The following CFAP47 variants were observed in gnomAD, a reference collection of about 807,000 sequenced individuals.
The protein encoded by CFAP47 is cilia- and flagella-associated protein 47.
CFAP47 carries 29 observed loss-of-function variants against 148.1 expected under a neutral mutation model. The ratio of observed to expected loss-of-function variants is 0.20; its 90% CI spans 0.15 to 0.27. The LOEUF (loss-of-function observed/expected upper bound fraction) is 0.27, where lower values mean the gene tolerates loss of function less well. CFAP47 is among the 10% of genes least tolerant of loss of function. The pLI is 1.00. For synonymous variants in CFAP47, 664 were observed against 577.3 expected (o/e 1.15, Z -2.15); for missense variants, 1,872 against 1,697.5 (o/e 1.10, Z -1.81).
chrX:36,054,990 T>C lies in CFAP47; in HGVS notation c.4217+7927T>C, dbSNP rs1403652212. Among the ~76,000 whole-genome samples, 29 of 109,875 alleles carry C rather than the reference T, an allele frequency of 2.6e-4. No individual in the cohort carries two copies. The Admixed American group carries it at 2.8e-3, about 11-fold the overall frequency. ...GGTTTCACCGTGTTAGCCAGGATGG[T>C]CTCGATCTCCTGACCTCATGATCCA... On this transcript the variant is annotated intron_variant, in intron 26 of 63. Transcript: ENST00000378653.
At chrX:35,940,338 G>A (rs1026853721) in intron 2 of CFAP47, among the ~76,000 whole-genome samples, 2 of 110,941 alleles carry the variant, frequency 1.8e-5, no homozygotes, top group African/African-American at 6.6e-5. Context: ...TGTTGCCATT[G>A]CTTTTGGTGT....
chrX:36,153,257 A>G (rs1434583511), intron 37 of CFAP47, among the ~76,000 whole-genome samples: 2 of 112,075 alleles, frequency 1.8e-5, no homozygotes, highest in South Asian at 3.7e-4. Flanking sequence ...GAAGAAAGTG[A>G]TAACAGGTCC....
At chrX:36,003,221 GTATAT>G (rs759392998) in intron 21 of CFAP47, among the ~76,000 whole-genome samples, 1 of 108,854 alleles carries the variant, frequency 9.2e-6, no homozygotes, top group Admixed American at 9.9e-5. Flanking sequence ...TATTAATATA[GTATAT>G]TATATTGATT....
intron 2 of CFAP47, among the ~76,000 whole-genome samples, chrX:35,937,550 G>C (rs1354153696): frequency 2.7e-5 from 3 of 110,279 alleles, no homozygotes; most frequent in Non-Finnish European, 5.7e-5. Context: ...TTAGTAGAAG[G>C]AACAGGAAAA....
intron 21 of CFAP47, among the ~76,000 whole-genome samples, chrX:36,005,838 T>A: frequency 9.0e-6 from 1 of 111,369 alleles, no homozygotes; most frequent in East Asian, 2.8e-4. Context: ...AGTATTCTGA[T>A]AAATTAAGGT....
At chrX:36,362,427 C>G (rs921974800) in intron 61 of CFAP47, among the ~76,000 whole-genome samples, 1 of 112,385 alleles carries the variant, frequency 8.9e-6, no homozygotes, top group Non-Finnish European at 1.9e-5. Flanking sequence ...TTTGGTTTCC[C>G]ATTCCTGCAT....
intron 39 of CFAP47, among the ~76,000 whole-genome samples, chrX:36,168,967 C>T (rs1211838967): frequency 1.8e-5 from 2 of 111,511 alleles, no homozygotes; most frequent in Non-Finnish European, 3.8e-5. Flanking sequence ...ATCTTTTCTC[C>T]TTCATTTTTG....
At chrX:36,380,235 G>A (rs935838020) in intron 63 of CFAP47, among the ~76,000 whole-genome samples, 9 of 112,361 alleles carry the variant, frequency 8.0e-5, no homozygotes, top group African/African-American at 2.9e-4. Flanking sequence ...GTACAAAAGC[G>A]ATTTCTAGAT....
chrX:35,994,145 C>T (rs1389513657), intron 18 of CFAP47, among the ~76,000 whole-genome samples: 2 of 110,196 alleles, frequency 1.8e-5, no homozygotes, highest in Non-Finnish European at 3.8e-5. Flanking sequence ...ACCTGTAGTC[C>T]CAGCTACTCG....
chrX:36,308,980 G>C (rs1302159727), intron 55 of CFAP47, among the ~76,000 whole-genome samples: 2 of 111,383 alleles, frequency 1.8e-5, no homozygotes, highest in African/African-American at 6.5e-5. Context: ...CATCACAACT[G>C]CAAATATCAT....
intron 8 of CFAP47, among the ~76,000 whole-genome samples, chrX:35,962,583 C>G (rs1032579803): frequency 9.0e-6 from 1 of 110,903 alleles, no homozygotes; most frequent in Admixed American, 9.6e-5. Context: ...CTTTTTCTAT[C>G]AATATCTATT....
Position 35,955,343 on chromosome X carries a change from T to C in CFAP47, c.1175-618T>C, listed in dbSNP as rs144580673. 6.8e-3 allele frequency among the ~76,000 whole-genome samples: 757 copies of C among 111,934 alleles called. 6 individuals are homozygous for C. Among genetic ancestry groups the C allele is most frequent in the African/African-American group, 0.024 (731 of 30,871 alleles). ...TCATTTCCCTATTCTGTGTCCAATATATCAGCAAATCTTCTTAAGCCTACC... is the reference window on the plus strand; with the variant it reads ...TCATTTCCCTATTCTGTGTCCAATACATCAGCAAATCTTCTTAAGCCTACC... On this transcript the variant is annotated intron_variant, in intron 7 of 63. Transcript: ENST00000378653.
chrX:36,274,896 CCTTGT>C (rs1265449252), intron 49 of CFAP47, among the ~76,000 whole-genome samples: 2 of 111,435 alleles, frequency 1.8e-5, no homozygotes, highest in African/African-American at 6.5e-5. Flanking sequence ...ATACAGGCAT[CCTTGT>C]CTTGTTTCTG....
intron 15 of CFAP47, among the ~76,000 whole-genome samples, chrX:35,985,240 G>A (rs943080349): frequency 3.1e-4 from 34 of 111,245 alleles, no homozygotes; most frequent in Non-Finnish European, 9.4e-5. Flanking sequence ...AGGAACATCC[G>A]TGCTGGAGGG....
intron 29 of CFAP47, among the ~76,000 whole-genome samples, chrX:36,074,235 C>A (rs1465642996): frequency 8.9e-6 from 1 of 111,766 alleles, no homozygotes; most frequent in Non-Finnish European, 1.9e-5. Context: ...ATCATAAAAT[C>A]ATTTGTTATT....
At chrX:36,165,889 G>A (rs1264959845) in intron 39 of CFAP47, among the ~76,000 whole-genome samples, 1 of 110,747 alleles carries the variant, frequency 9.0e-6, no homozygotes, top group Non-Finnish European at 1.9e-5. Flanking sequence ...AATTCAGATT[G>A]GATTAGGACC....
intron 46 of CFAP47, among the ~76,000 whole-genome samples, chrX:36,235,034 T>A (rs1386616842): frequency 3.6e-5 from 4 of 110,720 alleles, no homozygotes; most frequent in African/African-American, 1.3e-4. Flanking sequence ...TACTGGCGGG[T>A]GCCTCTAAGT....
chrX:35,925,411 A>G (rs1183334035), intron 1 of CFAP47, among the ~76,000 whole-genome samples: 2 of 111,108 alleles, frequency 1.8e-5, no homozygotes, highest in African/African-American at 3.3e-5. Flanking sequence ...AAAATTGCTA[A>G]AAGAATGGAT....
At chrX:36,103,641 A>T (rs751834698) in intron 32 of CFAP47, among the ~76,000 whole-genome samples, 1 of 109,145 alleles carries the variant, frequency 9.2e-6, no homozygotes, top group Non-Finnish European at 1.9e-5. Context: ...AGCACATATG[A>T]CTCAAATTGT....
Sources: gnomAD v4.1 joint callset for allele counts (sites outside exome capture counted in the v4.1 genomes callset) on GRCh38, gnomAD v4.1.1 for gene constraint, MANE v1.5 for transcripts, NCBI Gene and HGNC (gene_info 2026-07-23, HGNC 2026-07-21) for gene names.